Variants in CACNA1E observed in about 807,000 individuals in gnomAD.
CACNA1E encodes the protein calcium voltage-gated channel subunit alpha1 E.
A neutral mutation model predicts 259.2 loss-of-function variants in CACNA1E; 40 were observed. The observed-to-expected ratio is 0.15, with a 90% CI of 0.12 to 0.20. The LOEUF is 0.20. CACNA1E is among the 10% of genes least tolerant of loss of function. CACNA1E has a pLI of 1.00. For synonymous variants in CACNA1E, 1,104 were observed against 1,138.5 expected (o/e 0.97, Z 0.61); for missense variants, 1,874 against 3,040.1 (o/e 0.62, Z 9.02).
intron 7 of CACNA1E, among the ~76,000 whole-genome samples, chr1:181,662,458 G>A (rs1647783791): frequency 6.6e-6 from 1 of 152,166 alleles, no homozygotes; most frequent in Non-Finnish European, 1.5e-5. Flanking sequence ...AGACAGTCTA[G>A]CTGGGTTTGA....
At chr1:181,339,688 T>C (rs751573645) in intron 1 of CACNA1E, among the ~76,000 whole-genome samples, 4 of 152,108 alleles carry the variant, frequency 2.6e-5, no homozygotes, top group Non-Finnish European at 5.9e-5. Context: ...ATCTGAGAGA[T>C]AAAAAATGGT....
intron 25 of CACNA1E, among the ~76,000 whole-genome samples, chr1:181,748,195 G>C (rs140081181): frequency 6.6e-6 from 1 of 152,128 alleles, no homozygotes; most frequent in Non-Finnish European, 1.5e-5. Flanking sequence ...GTGGGAGTTA[G>C]GATGTGACAA....
chr1:181,583,103 TA>T (rs1651704721), intron 6 of CACNA1E, among the ~76,000 whole-genome samples: 1 of 144,988 alleles, frequency 6.9e-6, no homozygotes. Context: ...GGACTGTTCC[TA>T]CACACACACA....
intron 25 of CACNA1E, among the ~76,000 whole-genome samples, chr1:181,740,197 G>A (rs574448981): frequency 1.3e-5 from 2 of 152,318 alleles, no homozygotes; most frequent in South Asian, 2.1e-4. Flanking sequence ...TTTAGGCTAA[G>A]CAAGGCTAGC....
intron 2 of CACNA1E, among the ~76,000 whole-genome samples, chr1:181,457,834 G>C (rs755551820): frequency 6.6e-6 from 1 of 152,220 alleles, no homozygotes; most frequent in Non-Finnish European, 1.5e-5. Flanking sequence ...AGAGTAACTG[G>C]TGATATTTCT....
chr1:181,331,753 C>T (rs762805998), intron 1 of CACNA1E, among the ~76,000 whole-genome samples: 11 of 152,156 alleles, frequency 7.2e-5, no homozygotes, highest in Non-Finnish European at 1.3e-4. Context: ...TTGTAGAGGT[C>T]ATTCAAACCA....
At chr1:181,469,446 G>C (rs1662354584) in intron 2 of CACNA1E, among the ~76,000 whole-genome samples, 1 of 152,128 alleles carries the variant, frequency 6.6e-6, no homozygotes, top group Non-Finnish European at 1.5e-5. Context: ...TAGAGAAAGA[G>C]GATGAGTTTG....
At position 181,609,963 on chromosome 1, in the gene CACNA1E, C is replaced by T. The variant is rs531134578; in HGVS notation, c.951+29187C>T. ...TTAGAGAAGTATTGCCAGGACAGAG[C>T]ACATCTCCATCTTCCTCTGTCTCCC... On this transcript the variant is annotated intron_variant, in intron 6 of 47. Coordinates refer to ENST00000367573, the MANE Select transcript of CACNA1E (RefSeq NM_001205293.3). Among the ~76,000 whole-genome samples the T allele has an allele frequency of 4.6e-5, 7 of 152,328 alleles. No homozygotes were observed. In the East Asian group the frequency reaches 1.4e-3, roughly 29 times the overall value.
At chr1:181,679,178 G>C (rs183327303) in intron 7 of CACNA1E, among the ~76,000 whole-genome samples, 19 of 152,304 alleles carry the variant, frequency 1.2e-4, no homozygotes, top group Middle Eastern at 3.4e-3. Flanking sequence ...AGAATAGCCG[G>C]AAAGTTAACA....
At position 181,428,262 on chromosome 1, in the gene CACNA1E, C is replaced by T. The variant is rs545362731; in HGVS notation, c.434+14682C>T. 4.6e-5 allele frequency among the ~76,000 whole-genome samples: 7 copies of T among 152,218 alleles called. No individual in the cohort carries two copies. In the South Asian group the frequency reaches 1.0e-3, roughly 23 times the overall value. On this transcript the variant is annotated intron_variant, in intron 2 of 11. Coordinates refer to the CACNA1E transcript ENST00000524607. Reference sequence around the variant, plus strand: ...TCTCTCTGGCCCCACTGGAGAGGCCCGATGAATTAATAATATGCCAGCAGG... The same window carrying T: ...TCTCTCTGGCCCCACTGGAGAGGCCTGATGAATTAATAATATGCCAGCAGG...
At chr1:181,326,579 C>T (rs1361969904) in intron 1 of CACNA1E, among the ~76,000 whole-genome samples, 1 of 152,150 alleles carries the variant, frequency 6.6e-6, no homozygotes, top group Non-Finnish European at 1.5e-5. Context: ...CCCAGTCCAC[C>T]CTGGCCCTTT....
chr1:181,784,786 G>C lies in CACNA1E; in HGVS notation c.5578+18G>C, dbSNP rs1222376464. ...GCCCAAAGGTTTGGGTCTTCTCCTG[G>C]GTATCCTTGTCACTGTGGGCCCAGC... On this transcript the variant is annotated intron_variant, in intron 41 of 47. Coordinates refer to ENST00000367573, the MANE Select transcript of CACNA1E (RefSeq NM_001205293.3). 6.9e-7 allele frequency: 1 copy of C among 1,443,824 alleles called. No individual in the cohort carries two copies. Among genetic ancestry groups the C allele is most frequent in the Non-Finnish European group, 9.5e-7 (1 of 1,047,880 alleles). 89.4% of individuals were successfully genotyped at this position (1,443,824 alleles called of 1,614,324 possible). A position where few individuals can be genotyped will look rare whatever the true frequency, so the allele number is the denominator to read the frequency against.
chr1:181,772,316 C>A, intron 37 of CACNA1E, 85 bp downstream of exon 37: 1 of 1,403,156 alleles, frequency 7.1e-7, no homozygotes, highest in Non-Finnish European at 9.9e-7. Context: ...GAGATGTTTG[C>A]TTCAGTGTAT....
chr1:181,583,850 A>T lies in CACNA1E; in HGVS notation c.951+3074A>T, dbSNP rs147585721. Among the ~76,000 whole-genome samples, 301 of 152,156 alleles carry T rather than the reference A, an allele frequency of 2.0e-3. 1 individual carries two copies. Among genetic ancestry groups the T allele is most frequent in the Non-Finnish European group, 2.9e-3 (197 of 68,002 alleles). On this transcript the variant is annotated intron_variant, in intron 6 of 47. Coordinates refer to ENST00000367573, the MANE Select transcript of CACNA1E (RefSeq NM_001205293.3). Reference sequence around the variant, plus strand: ...TGGTGGAAGGAATGCAAAACTGTCGACAGTTCTGGCTATTGCTACCTGTTT... The same window carrying T: ...TGGTGGAAGGAATGCAAAACTGTCGTCAGTTCTGGCTATTGCTACCTGTTT...
At chr1:181,785,860 T>A (rs1444414387) in intron 43 of CACNA1E, 41 bp downstream of exon 43, 3 of 1,321,084 alleles carry the variant, frequency 2.3e-6, no homozygotes, top group Non-Finnish European at 3.2e-6. Context: ...CTGTTTGCAA[T>A]CTGTCACCCA....
chr1:181,462,754 G>C (rs569938510), intron 2 of CACNA1E, among the ~76,000 whole-genome samples: 1 of 152,070 alleles, frequency 6.6e-6, no homozygotes, highest in African/African-American at 2.4e-5. Flanking sequence ...TTTTATTTAC[G>C]TGATACATAG....
intron 7 of CACNA1E, among the ~76,000 whole-genome samples, chr1:181,657,617 T>C (rs1207138739): frequency 6.6e-6 from 1 of 152,058 alleles, no homozygotes; most frequent in East Asian, 1.9e-4. Context: ...CACACAAAAG[T>C]GTAGGACGAA....
intron 6 of CACNA1E, among the ~76,000 whole-genome samples, chr1:181,619,058 G>A (rs1655483460): frequency 6.6e-6 from 1 of 152,066 alleles, no homozygotes; most frequent in African/African-American, 2.4e-5. Context: ...TCTAAATACT[G>A]GGGATACATC....
intron 4 of CACNA1E, among the ~76,000 whole-genome samples, chr1:181,578,795 T>C (rs142552399): frequency 1.3e-5 from 2 of 152,362 alleles, no homozygotes; most frequent in African/African-American, 4.8e-5. Context: ...ATTTTCTGAA[T>C]AGTGCTTGTA....
Sources: allele counts gnomAD v4.1 joint callset (sites outside exome capture counted in the v4.1 genomes callset), GRCh38; gene constraint gnomAD v4.1.1; transcripts MANE v1.5; gene names NCBI Gene and HGNC (gene_info 2026-07-23, HGNC 2026-07-21).